Variants in GNG7 observed in about 807,000 individuals in gnomAD.
GNG7 encodes the protein G protein subunit gamma 7.
Under a neutral mutation model 4.0 loss-of-function variants are expected in GNG7, and 1 was observed. That is an observed-to-expected ratio of 0.25 (90% CI 0.09 to 1.18). The LOEUF (loss-of-function observed/expected upper bound fraction) is 1.18, where lower values mean the gene tolerates loss of function less well. GNG7 is among the 50% of genes most tolerant of loss of function. The probability of loss-of-function intolerance (pLI) is 0.50; values close to 1 mark genes in which losing one functional copy is unlikely to be tolerated. For synonymous variants in GNG7, 34 were observed against 36.9 expected, an observed-to-expected ratio of 0.92 and a Z score of 0.29; for missense variants, 86 against 91.9, an observed-to-expected ratio of 0.94 and a Z score of 0.26.
rs1568277821 is a variant in GNG7, at chr19:2,661,304, G to GAAAGAAAGAAAGAA, written c.-134-15038_-134-15025dup. On this transcript the variant is annotated intron_variant, in intron 1 of 4. Transcript: ENST00000382159. ...AAAGAAAGAAAGAAAGAAAGAAAGA[G>GAAAGAAAGAAAGAA]AAAGAAAGAAAGAAAGAAAGAAAGA... 1.2e-3 allele frequency among the ~76,000 whole-genome samples: 107 copies of GAAAGAAAGAAAGAA among 87,040 alleles called. 6 individuals are homozygous for GAAAGAAAGAAAGAA. Among genetic ancestry groups the GAAAGAAAGAAAGAA allele is most frequent in the African/African-American group, 3.7e-3 (77 of 20,990 alleles). 57.1% of individuals were successfully genotyped at this position (87,040 alleles called of 152,430 possible).
chr19:2,697,128 G>A (rs1913285968), intron 1 of GNG7, among the ~76,000 whole-genome samples: 1 of 152,268 alleles, frequency 6.6e-6, no homozygotes, highest in African/African-American at 2.4e-5. Context: ...GGAATGTTCT[G>A]AAAGGGGCTT....
intron 3 of GNG7, among the ~76,000 whole-genome samples, chr19:2,523,244 T>C (rs1978319326): frequency 1.3e-5 from 2 of 151,466 alleles, no homozygotes; most frequent in South Asian, 2.1e-4. Context: ...GGGAGGGAGA[T>C]AGGTCTCTGT....
intron 3 of GNG7, among the ~76,000 whole-genome samples, chr19:2,530,789 T>C (rs1978557700): frequency 6.6e-6 from 1 of 152,132 alleles, no homozygotes; most frequent in East Asian, 1.9e-4. Context: ...ATTAAGATAA[T>C]GGAGAATTTC....
At position 2,555,167 on chromosome 19, in the gene GNG7, G is replaced by C. The variant is rs1300967653; in HGVS notation, c.-56C>G. The C allele has an allele frequency of 6.6e-6, 1 of 152,064 alleles. No individual in the cohort carries two copies. Among genetic ancestry groups the C allele is most frequent in the African/African-American group, 2.4e-5 (1 of 41,408 alleles). The allele number at this position is 152,064 out of a possible 1,614,324, so 9.4% of individuals were successfully genotyped here. On this transcript the variant is annotated 5_prime_UTR_variant, in exon 3 of 5. Transcript: ENST00000382159. ...CACATACCTTTTTTAGTTTTCCCAGGAATCACAGCTTGCTGTACACCCTGT... is the reference window on the plus strand; with the variant it reads ...CACATACCTTTTTTAGTTTTCCCAGCAATCACAGCTTGCTGTACACCCTGT...
chr19:2,584,346 A>C (rs1272712217), intron 2 of GNG7, among the ~76,000 whole-genome samples: 1 of 148,560 alleles, frequency 6.7e-6, no homozygotes, highest in Non-Finnish European at 1.5e-5. Flanking sequence ...TGGGAGACTG[A>C]GGTGGGAGGA....
chr19:2,682,381 C>T (rs548246680), intron 1 of GNG7, among the ~76,000 whole-genome samples: 2 of 151,638 alleles, frequency 1.3e-5, no homozygotes, highest in Non-Finnish European at 2.9e-5. Context: ...AGCTACAGGG[C>T]GAGCTGGGCA....
intron 2 of GNG7, among the ~76,000 whole-genome samples, chr19:2,645,391 A>C (rs1982638662): frequency 6.6e-6 from 1 of 151,802 alleles, no homozygotes; most frequent in African/African-American, 2.4e-5. Flanking sequence ...GGCACCTGCC[A>C]CCACGCCTGG....
At chr19:2,571,816 G>A (rs551673857) in intron 2 of GNG7, among the ~76,000 whole-genome samples, 10 of 150,866 alleles carry the variant, frequency 6.6e-5, no homozygotes, top group Middle Eastern at 3.5e-3. Context: ...GGCTGGTCTC[G>A]AACTCCTGAC....
At chr19:2,586,804 G>T (rs1167996580) in intron 2 of GNG7, among the ~76,000 whole-genome samples, 4 of 151,790 alleles carry the variant, frequency 2.6e-5, no homozygotes, top group Non-Finnish European at 5.9e-5. Context: ...GGCCAAAATG[G>T]TGAAACCCTG....
chr19:2,656,029 C>CAAAAAAACA (rs1982963364), intron 1 of GNG7, among the ~76,000 whole-genome samples: 3 of 98,086 alleles, frequency 3.1e-5, no homozygotes, highest in African/African-American at 1.1e-4. Flanking sequence ...CGATTCAAAA[C>CAAAAAAACA]AAAAAAAAAA....
chr19:2,536,617 G>A (rs956905458), intron 3 of GNG7, among the ~76,000 whole-genome samples: 1 of 152,208 alleles, frequency 6.6e-6, no homozygotes, highest in Non-Finnish European at 1.5e-5. Flanking sequence ...GCGTGTGTGG[G>A]TCGTATATGT....
At chr19:2,612,645 G>C (rs1981603537) in intron 2 of GNG7, among the ~76,000 whole-genome samples, 1 of 147,240 alleles carries the variant, frequency 6.8e-6, no homozygotes, top group Admixed American at 6.7e-5. Flanking sequence ...CCTGGATTCT[G>C]TTTGTCTTTA....
chr19:2,688,761 T>C (rs1379198275), intron 1 of GNG7, among the ~76,000 whole-genome samples: 1 of 151,118 alleles, frequency 6.6e-6, no homozygotes, highest in East Asian at 2.0e-4. Context: ...AAGTGTGGAG[T>C]TGAGAGAAAT....
At chr19:2,643,057 T>C (rs1480651284) in intron 2 of GNG7, 1 of 449,050 alleles carries the variant, frequency 2.2e-6, no homozygotes, top group Non-Finnish European at 4.4e-6. Flanking sequence ...GTCTGAGCCC[T>C]CTCCGGGCTC....
intron 1 of GNG7, among the ~76,000 whole-genome samples, chr19:2,667,603 C>A (rs1306704023): frequency 4.6e-5 from 7 of 152,010 alleles, no homozygotes; most frequent in Admixed American, 4.6e-4. Context: ...CACAGTGAGA[C>A]CCCATCTCTA....
At chr19:2,678,743 C>T (rs1455958583) in intron 1 of GNG7, among the ~76,000 whole-genome samples, 1 of 152,160 alleles carries the variant, frequency 6.6e-6, no homozygotes, top group Non-Finnish European at 1.5e-5. Flanking sequence ...AACTACTTCT[C>T]TCAAGGGGTC....
Position 2,573,715 on chromosome 19 carries a change from C to A in GNG7, c.-77-18527G>T, listed in dbSNP as rs145051941. ...AAAATTAGCCAGGCGTGGTCGTGGG[C>A]GCCTGTAATCCCAGCTACTCGGGAG... On this transcript the variant is annotated intron_variant, in intron 2 of 4. Coordinates refer to ENST00000382159, the MANE Select transcript of GNG7 (RefSeq NM_052847.3). Among the ~76,000 whole-genome samples, 305 of 152,134 alleles carry A rather than the reference C, an allele frequency of 2.0e-3. 1 individual carries two copies. Among genetic ancestry groups the A allele is most frequent in the African/African-American group, 7.2e-3 (297 of 41,520 alleles).
At chr19:2,537,414 T>A (rs1405349685) in intron 3 of GNG7, among the ~76,000 whole-genome samples, 1 of 151,884 alleles carries the variant, frequency 6.6e-6, no homozygotes, top group Admixed American at 6.6e-5. Context: ...CCTGGCTAGT[T>A]TTTTATTTTT....
chr19:2,597,554 G>A (rs1238532184), intron 2 of GNG7, among the ~76,000 whole-genome samples: 8 of 151,484 alleles, frequency 5.3e-5, no homozygotes, highest in Middle Eastern at 3.4e-3. Context: ...CCGAGATCAC[G>A]CCACTGCACT....
Sources: gnomAD v4.1 joint callset for allele counts (sites outside exome capture counted in the v4.1 genomes callset) on GRCh38, gnomAD v4.1.1 for gene constraint, MANE v1.5 for transcripts, NCBI Gene and HGNC (gene_info 2026-07-23, HGNC 2026-07-21) for gene names.